Variants in ATRNL1 observed in about 807,000 individuals in gnomAD.
ATRNL1 encodes attractin-like protein 1.
In ATRNL1, 95 loss-of-function variants were observed where a neutral mutation model predicts 182.7. That is an observed-to-expected ratio of 0.52 (90% confidence interval 0.44 to 0.62). The LOEUF (loss-of-function observed/expected upper bound fraction) is 0.62. Ranked by LOEUF, ATRNL1 falls within the 20% of genes least tolerant of loss-of-function variation. ATRNL1 has a pLI of 0.00. For synonymous variants in ATRNL1, 576 were observed against 568.3 expected (o/e 1.01, Z -0.19); for missense variants, 1,471 against 1,679.5 (o/e 0.88, Z 2.17).
At chr10:115,592,385 A>G (rs956760683) in intron 26 of ATRNL1, among the ~76,000 whole-genome samples, 4 of 152,204 alleles carry the variant, frequency 2.6e-5, no homozygotes, top group Non-Finnish European at 4.4e-5. Flanking sequence ...TACACCATAC[A>G]TTTTATCCAT....
In ATRNL1 at chr10:115,727,366, C is replaced by T. The variant is rs1485788052; in HGVS notation, c.3903+11C>T. ...CGAGGGCCATTAGAGGTAGGAACAG[C>T]GGTGCTGAAAGAGGACCACTGTGCT... On this transcript the variant is annotated intron_variant, in intron 27 of 28. Coordinates refer to ENST00000355044, the MANE Select transcript of ATRNL1 (RefSeq NM_207303.4). The T allele has an allele frequency of 6.3e-6, 10 of 1,594,140 alleles. No homozygotes were observed. The highest frequency in any genetic ancestry group is 4.0e-5 in the African/African-American group (3 of 74,530).
chr10:115,801,974 A>G (rs1353053716), intron 27 of ATRNL1, among the ~76,000 whole-genome samples: 2 of 150,860 alleles, frequency 1.3e-5, no homozygotes, highest in Non-Finnish European at 3.0e-5. Context: ...TTACTGACAC[A>G]CAATCAAATG....
chr10:115,431,729 C>T (rs1434124677), intron 21 of ATRNL1, among the ~76,000 whole-genome samples: 1 of 152,168 alleles, frequency 6.6e-6, no homozygotes, highest in Non-Finnish European at 1.5e-5. Flanking sequence ...TACTGATGCT[C>T]AGACTGTCCA....
chr10:115,165,370 T>C (rs1846990002), intron 6 of ATRNL1, among the ~76,000 whole-genome samples, 188 bp from the exon 7 acceptor site: 1 of 152,086 alleles, frequency 6.6e-6, no homozygotes, highest in African/African-American at 2.4e-5. Context: ...CCTAATTTAG[T>C]GTAGGTATAT....
intron 27 of ATRNL1, among the ~76,000 whole-genome samples, chr10:115,800,497 A>G (rs12412579): frequency 0.48 from 73,321 of 151,996 alleles, 18,983 homozygotes; most frequent in East Asian, 0.76. Context: ...GTATGTTACC[A>G]TCTGTTTTTT....
At chr10:115,156,528 A>G (rs1390960905) in intron 5 of ATRNL1, among the ~76,000 whole-genome samples, 1 of 152,072 alleles carries the variant, frequency 6.6e-6, no homozygotes, top group Non-Finnish European at 1.5e-5. Flanking sequence ...GCACAATTCT[A>G]CTCTGTATGA....
At chr10:115,596,917 A>G (rs1555014151) in intron 26 of ATRNL1, among the ~76,000 whole-genome samples, 2 of 152,146 alleles carry the variant, frequency 1.3e-5, no homozygotes, top group East Asian at 3.9e-4. Context: ...TGTTACTACA[A>G]TAATTGATTT....
intron 26 of ATRNL1, among the ~76,000 whole-genome samples, chr10:115,614,643 T>A (rs1857337661): frequency 2.0e-5 from 3 of 152,164 alleles, no homozygotes; most frequent in Admixed American, 2.0e-4. Context: ...CAACTGTTAC[T>A]ATATTGCTGT....
chr10:115,168,102 C>T (rs1554884749), intron 7 of ATRNL1, among the ~76,000 whole-genome samples: 1 of 152,088 alleles, frequency 6.6e-6, no homozygotes, highest in Non-Finnish European at 1.5e-5. Flanking sequence ...GTTATGACTA[C>T]CATATTTCAC....
chr10:115,878,092 T>C, intron 28 of ATRNL1, among the ~76,000 whole-genome samples: 1 of 152,218 alleles, frequency 6.6e-6, no homozygotes, highest in Non-Finnish European at 1.5e-5. Flanking sequence ...TCAGCGCTCC[T>C]CTGTAGGGCT....
chr10:115,820,835 C>T (rs1304729437), intron 27 of ATRNL1, among the ~76,000 whole-genome samples: 1 of 152,072 alleles, frequency 6.6e-6, no homozygotes, highest in Non-Finnish European at 1.5e-5. Flanking sequence ...TATGGTTTGG[C>T]TCCGTGTCCC....
chr10:115,224,386 A>G (rs1324799907), intron 9 of ATRNL1, among the ~76,000 whole-genome samples: 1 of 152,148 alleles, frequency 6.6e-6, no homozygotes, highest in Non-Finnish European at 1.5e-5. Context: ...TCTGAAAATC[A>G]GTAGTCTAAG....
At chr10:115,569,767 C>T (rs1456999145) in intron 26 of ATRNL1, among the ~76,000 whole-genome samples, 1 of 80,402 alleles carries the variant, frequency 1.2e-5, no homozygotes, top group East Asian at 5.1e-4. Flanking sequence ...CCATTTAATT[C>T]TTTAAATACT....
At chr10:115,518,346 A>G (rs73373320) in intron 24 of ATRNL1, among the ~76,000 whole-genome samples, 4,222 of 151,970 alleles carry the variant, frequency 0.028, 228 homozygotes, top group African/African-American at 0.098. Context: ...TGTTTTTGCA[A>G]CATTTTCATA....
intron 25 of ATRNL1, among the ~76,000 whole-genome samples, chr10:115,537,914 C>A (rs569873060): frequency 6.6e-6 from 1 of 152,246 alleles, no homozygotes; most frequent in East Asian, 1.9e-4. Flanking sequence ...ACGCTGGCAA[C>A]CATTGACCTG....
At chr10:115,868,822 C>CTTTTTTTTTTTTT (rs67676674) in intron 28 of ATRNL1, among the ~76,000 whole-genome samples, 605 of 58,066 alleles carry the variant, frequency 0.01, 114 homozygotes, top group Middle Eastern at 0.019. Flanking sequence ...AGTCTTTATT[C>CTTTTTTTTTTTTT]TTTTTTTTTT....
chr10:115,749,636 A>C (rs1266766426), intron 27 of ATRNL1, among the ~76,000 whole-genome samples: 3 of 151,888 alleles, frequency 2.0e-5, no homozygotes, highest in Non-Finnish European at 4.4e-5. Flanking sequence ...GCTCTCATGC[A>C]TTCTTTTTGC....
At chr10:115,511,633 T>A (rs1159481135) in intron 24 of ATRNL1, among the ~76,000 whole-genome samples, 12 of 152,046 alleles carry the variant, frequency 7.9e-5, no homozygotes, top group African/African-American at 2.6e-4. Flanking sequence ...TTTTGACATT[T>A]TGTAGTAAAT....
At chr10:115,306,264 T>A (rs530883110) in intron 17 of ATRNL1, among the ~76,000 whole-genome samples, 8 of 152,290 alleles carry the variant, frequency 5.3e-5, no homozygotes, top group African/African-American at 1.9e-4. Flanking sequence ...TGTCTAAAAG[T>A]GTACTTTTCA....
Sources: allele counts gnomAD v4.1 joint callset (sites outside exome capture counted in the v4.1 genomes callset), GRCh38; gene constraint gnomAD v4.1.1; transcripts MANE v1.5; gene names NCBI Gene and HGNC (gene_info 2026-07-23, HGNC 2026-07-21).